Variants in BARX2 observed in about 807,000 individuals in gnomAD.
BARX2 encodes BARX homeobox 2.
Under a neutral mutation model 25.5 loss-of-function variants are expected in BARX2, and 11 were observed. That is an observed-to-expected ratio of 0.43 (90% CI 0.27 to 0.71). The LOEUF is 0.71. Among genes scored for constraint, BARX2 ranks in the 30% least tolerant of loss-of-function variants. The pLI is 0.19. For missense variants in BARX2, 360 were observed against 359.9 expected, an observed-to-expected ratio of 1.00 and a Z score of 0.00; for synonymous variants, 137 against 149.5, an observed-to-expected ratio of 0.92 and a Z score of 0.61.
At chr11:129,387,579 G>A (rs555416985) in intron 1 of BARX2, among the ~76,000 whole-genome samples, 1 of 152,326 alleles carries the variant, frequency 6.6e-6, no homozygotes, top group African/African-American at 2.4e-5. Flanking sequence ...TCGGAAAGGT[G>A]TTGTTAATAT....
At chr11:129,398,112 A>G (rs1228789267) in intron 1 of BARX2, among the ~76,000 whole-genome samples, 2 of 152,212 alleles carry the variant, frequency 1.3e-5, no homozygotes, top group African/African-American at 4.8e-5. Context: ...TGTAAACTCA[A>G]CCTAATACTT....
At chr11:129,379,358 A>AGGG (rs1861537495) in intron 1 of BARX2, among the ~76,000 whole-genome samples, 2 of 152,224 alleles carry the variant, frequency 1.3e-5, no homozygotes, top group Non-Finnish European at 2.9e-5. Context: ...TTTATTCTTA[A>AGGG]ATCTGTAAAC....
intron 3 of BARX2, among the ~76,000 whole-genome samples, chr11:129,450,789 G>C (rs538213452): frequency 6.6e-6 from 1 of 152,068 alleles, no homozygotes; most frequent in East Asian, 1.9e-4. Context: ...TTTCCTGCTT[G>C]CTACAAATAT....
intron 1 of BARX2, among the ~76,000 whole-genome samples, chr11:129,401,785 GTC>G (rs2135393266): frequency 6.6e-6 from 1 of 152,164 alleles, no homozygotes; most frequent in South Asian, 2.1e-4. Flanking sequence ...GTGAAACCCC[GTC>G]TCTGCGAAAA....
Position 129,451,631 on chromosome 11 carries a change from C to T in BARX2, c.*229C>T. 1.7e-6 allele frequency: 1 copy of T among 576,222 alleles called. No individual in the cohort carries two copies. The highest frequency in any genetic ancestry group is 3.0e-6 in the Non-Finnish European group (1 of 333,462). 35.7% of individuals were successfully genotyped at this position (576,222 alleles called of 1,614,324 possible). ...TGAAAGGCTGCTTTAGCTGTGGATG[C>T]CCTTGATTAAGGGAGAGAGCGCCTA... On this transcript the variant is annotated 3_prime_UTR_variant, in exon 4 of 4. Transcript: ENST00000281437.
intron 2 of BARX2, chr11:129,438,352 CTCAG>C (rs1325121206): frequency 6.7e-6 from 1 of 149,200 alleles, no homozygotes; most frequent in African/African-American, 2.5e-5. Context: ...AAGTGTGTAT[CTCAG>C]TGTCTCATCT....
At chr11:129,378,829 G>T (rs1861531874) in intron 1 of BARX2, among the ~76,000 whole-genome samples, 1 of 142,970 alleles carries the variant, frequency 7.0e-6, no homozygotes, top group Non-Finnish European at 1.5e-5. Context: ...GGGATGGAAA[G>T]AAAACTACAG....
At chr11:129,447,470 C>T (rs1036935491) in intron 3 of BARX2, among the ~76,000 whole-genome samples, 1 of 152,120 alleles carries the variant, frequency 6.6e-6, no homozygotes, top group Non-Finnish European at 1.5e-5. Flanking sequence ...GGGGAGAGGG[C>T]TCCTAGGAGG....
At chr11:129,388,751 T>G (rs1321743489) in intron 1 of BARX2, among the ~76,000 whole-genome samples, 1 of 152,210 alleles carries the variant, frequency 6.6e-6, no homozygotes, top group Non-Finnish European at 1.5e-5. Flanking sequence ...AAGTCAACTC[T>G]GGGAACCACA....
chr11:129,378,017 A>G (rs944695100), intron 1 of BARX2, among the ~76,000 whole-genome samples: 3 of 151,814 alleles, frequency 2.0e-5, no homozygotes, highest in Admixed American at 6.6e-5. Flanking sequence ...AAATCAGAGG[A>G]AAAAAAAATG....
intron 1 of BARX2, among the ~76,000 whole-genome samples, chr11:129,405,609 G>A (rs1162932678): frequency 6.6e-6 from 1 of 152,166 alleles, no homozygotes; most frequent in Non-Finnish European, 1.5e-5. Flanking sequence ...TAGATAAAAT[G>A]TGATTGTTTG....
intron 2 of BARX2, among the ~76,000 whole-genome samples, chr11:129,439,218 C>T (rs540527668): frequency 2.0e-5 from 3 of 151,922 alleles, no homozygotes; most frequent in East Asian, 1.9e-4. Flanking sequence ...GTGATCATCA[C>T]GAAGACTTGA....
intron 1 of BARX2, among the ~76,000 whole-genome samples, chr11:129,381,167 C>A (rs981788911): frequency 3.3e-5 from 5 of 152,164 alleles, no homozygotes; most frequent in Non-Finnish European, 5.9e-5. Context: ...TTAGAAATTT[C>A]GTTCACGGGT....
intron 1 of BARX2, among the ~76,000 whole-genome samples, chr11:129,381,534 C>T (rs1861564375): frequency 6.6e-6 from 1 of 152,172 alleles, no homozygotes; most frequent in South Asian, 2.1e-4. Flanking sequence ...ACCAGCAAAA[C>T]TGTCAAATCA....
intron 1 of BARX2, among the ~76,000 whole-genome samples, chr11:129,431,955 A>G (rs1010712472): frequency 2.6e-5 from 4 of 151,406 alleles, no homozygotes; most frequent in African/African-American, 4.8e-5. Flanking sequence ...TTTTAAAATA[A>G]TTTATGAGGT....
chr11:129,412,563 C>G (rs1861901133), intron 1 of BARX2, among the ~76,000 whole-genome samples: 1 of 152,220 alleles, frequency 6.6e-6, no homozygotes, highest in South Asian at 2.1e-4. Flanking sequence ...AGTCTGCACT[C>G]ACATTGATAC....
At chr11:129,386,862 C>T (rs1861621004) in intron 1 of BARX2, among the ~76,000 whole-genome samples, 1 of 152,196 alleles carries the variant, frequency 6.6e-6, no homozygotes, top group Non-Finnish European at 1.5e-5. Context: ...CATTTCCCTT[C>T]CTGCCACCAC....
chr11:129,400,420 A>G (rs1485948947), intron 1 of BARX2, among the ~76,000 whole-genome samples: 1 of 152,196 alleles, frequency 6.6e-6, no homozygotes, highest in African/African-American at 2.4e-5. Context: ...CTTAAAGGAT[A>G]AATGAGAGTT....
chr11:129,384,971 C>G (rs1428745990), intron 1 of BARX2, among the ~76,000 whole-genome samples: 1 of 152,124 alleles, frequency 6.6e-6, no homozygotes, highest in Non-Finnish European at 1.5e-5. Context: ...AAAGAGAGCT[C>G]TTATGAAGCA....
Sources: allele counts gnomAD v4.1 joint callset (sites outside exome capture counted in the v4.1 genomes callset), GRCh38; gene constraint gnomAD v4.1.1; transcripts MANE v1.5; gene names NCBI Gene and HGNC (gene_info 2026-07-23, HGNC 2026-07-21).